EFHB: variants seen among roughly 807,000 people sequenced by gnomAD.
EFHB encodes EF-hand domain-containing family member B.
A neutral mutation model predicts 87.2 loss-of-function variants in EFHB; 91 were observed. The observed-to-expected ratio is 1.04, with a 90% confidence interval of 0.88 to 1.24. The LOEUF (loss-of-function observed/expected upper bound fraction) is 1.24. Ranked by LOEUF, EFHB falls within the 50% of genes most tolerant of loss-of-function variation. The pLI, the probability that EFHB is intolerant of heterozygous loss-of-function variation, is 0.00. For missense variants in EFHB, 1,084 were observed against 998.8 expected, an observed-to-expected ratio of 1.09 and a Z score of -1.15; for synonymous variants, 325 against 333.6, an observed-to-expected ratio of 0.97 and a Z score of 0.28.
chr3:19,941,855 C>CAA (rs74521089), intron 1 of EFHB, among the ~76,000 whole-genome samples: 8 of 95,008 alleles, frequency 8.4e-5, no homozygotes, highest in African/African-American at 2.8e-4. Flanking sequence ...GAGACTCCAT[C>CAA]AAAAAAAAAA....
At chr3:19,944,354 T>C (rs1441905848) in intron 1 of EFHB, among the ~76,000 whole-genome samples, 2 of 152,200 alleles carry the variant, frequency 1.3e-5, no homozygotes, top group African/African-American at 4.8e-5. Context: ...AGTATAAGCA[T>C]CAAAGACAGT....
intron 12 of EFHB, 146 bp from the exon 13 acceptor site, chr3:19,879,950 A>T: frequency 1.6e-6 from 1 of 632,286 alleles, no homozygotes; most frequent in South Asian, 2.8e-5. Context: ...GTGTGTGTGC[A>T]TGTGCTTGTA....
At chr3:19,919,688 T>C in intron 3 of EFHB, 145 bp downstream of exon 3, 5 of 829,702 alleles carry the variant, frequency 6.0e-6, no homozygotes, top group Non-Finnish European at 9.2e-6. Flanking sequence ...TCAAGATAAA[T>C]GCTTTTGGAA....
At chr3:19,905,187 G>A (rs765978320) in intron 6 of EFHB, among the ~76,000 whole-genome samples, 8 of 152,130 alleles carry the variant, frequency 5.3e-5, no homozygotes, top group Non-Finnish European at 1.2e-4. Context: ...AGGAGTTCAA[G>A]GTTGCAGTGA....
intron 5 of EFHB, among the ~76,000 whole-genome samples, chr3:19,906,823 T>C (rs1694858361): frequency 6.6e-6 from 1 of 152,068 alleles, no homozygotes; most frequent in South Asian, 2.1e-4. Flanking sequence ...ATTACAGAGC[T>C]GTAGTAATTA....
chr3:19,933,736 A>C lies in EFHB; in HGVS notation c.283T>G (p.Ser95Ala). 6.2e-7 allele frequency: 1 copy of C among 1,613,968 alleles called. No individual in the cohort carries two copies. The highest frequency in any genetic ancestry group is 8.5e-7 in the Non-Finnish European group (1 of 1,179,872). ...GAAGGTTTTGTTCCCTGTGAAGCTG[A>C]GACACTGTCGACTCCTAAACTACCC... ...QRGSLGVDSV[S>A]ASQGTKPSLL... Residue 95 changes from serine to alanine, a missense_variant, in exon 1 of 13, where the codon TCA (serine) becomes GCA (alanine). Coordinates refer to ENST00000295824, the MANE Select transcript of EFHB (RefSeq NM_144715.4).
At chr3:19,898,294 G>T (rs1449166850) in intron 8 of EFHB, among the ~76,000 whole-genome samples, 1 of 152,124 alleles carries the variant, frequency 6.6e-6, no homozygotes, top group Non-Finnish European at 1.5e-5. Flanking sequence ...TCTCATATTT[G>T]AATGTGCTTA....
chr3:19,885,336 C>A (rs1694063680), intron 10 of EFHB, among the ~76,000 whole-genome samples: 1 of 152,052 alleles, frequency 6.6e-6, no homozygotes, highest in Non-Finnish European at 1.5e-5. Context: ...AATTCCACAT[C>A]TACTTGACTG....
chr3:19,907,560 C>T (rs888133401), intron 5 of EFHB, among the ~76,000 whole-genome samples: 8 of 152,078 alleles, frequency 5.3e-5, no homozygotes, highest in Middle Eastern at 3.2e-3. Flanking sequence ...AGATTTGGTG[C>T]GATCATCAGA....
chr3:19,939,367 CTCCTTTTTT>C (rs1696096346), intron 1 of EFHB, among the ~76,000 whole-genome samples: 1 of 102,486 alleles, frequency 9.8e-6, no homozygotes, highest in African/African-American at 3.9e-5. Flanking sequence ...TGGGTTGGGT[CTCCTTTTTT>C]TTTTTTTTTT....
At chr3:19,889,128 T>A (rs1574995588) in intron 9 of EFHB, among the ~76,000 whole-genome samples, 1 of 152,138 alleles carries the variant, frequency 6.6e-6, no homozygotes, top group East Asian at 1.9e-4. Flanking sequence ...TCCTGGTAAG[T>A]AGGGGGAGGA....
intron 9 of EFHB, among the ~76,000 whole-genome samples, chr3:19,889,640 A>T (rs918444785): frequency 6.6e-6 from 1 of 152,154 alleles, no homozygotes; most frequent in African/African-American, 2.4e-5. Flanking sequence ...AAACTTCCCT[A>T]CTTAACCCTT....
chr3:19,944,502 C>T (rs983332834), intron 1 of EFHB, among the ~76,000 whole-genome samples: 11 of 152,276 alleles, frequency 7.2e-5, no homozygotes, highest in Admixed American at 6.5e-4. Context: ...AAAAAGAAAA[C>T]ATAGGCATAT....
intron 1 of EFHB, among the ~76,000 whole-genome samples, chr3:19,943,908 TATC>T (rs2125173047): frequency 6.6e-6 from 1 of 152,334 alleles, no homozygotes; most frequent in African/African-American, 2.4e-5. Context: ...CAATGCATAA[TATC>T]ATATCAAACA....
intron 1 of EFHB, chr3:19,942,526 T>C (rs942833115): frequency 6.6e-6 from 1 of 152,338 alleles, no homozygotes; most frequent in African/African-American, 2.4e-5. Context: ...CGGGGGAAGA[T>C]AGTTTTAGGA....
chr3:19,894,106 C>T (rs1384630989), intron 9 of EFHB, among the ~76,000 whole-genome samples: 1 of 152,156 alleles, frequency 6.6e-6, no homozygotes, highest in Non-Finnish European at 1.5e-5. Context: ...GAGCAAAAAT[C>T]CCTGATTGCA....
At position 19,915,315 on chromosome 3, in the gene EFHB, C is replaced by T; in HGVS notation, c.1276G>A (p.Asp426Asn). 2 of 1,610,708 alleles carry T rather than the reference C, an allele frequency of 1.2e-6. No individual in the cohort carries two copies. Among genetic ancestry groups the T allele is most frequent in the Non-Finnish European group, 1.7e-6 (2 of 1,177,566 alleles). Residue 426 changes from aspartate (D) to asparagine (N), a missense_variant, in exon 5 of 13, where the codon GAT (aspartate) becomes AAT (asparagine). Asp to Asn is a conservative substitution (Grantham distance 23). Transcript: ENST00000295824. ...GGAGGACACTTACCTGCATAATAAT[C>T]ATTGTGAGAAACAACATACAAATCA... Reference protein sequence around the residue: ...GHDLYVVSHNDYYAGEAKNRK... With the variant: ...GHDLYVVSHNNYYAGEAKNRK...
At chr3:19,916,695 C>T (rs1217172213) in intron 4 of EFHB, among the ~76,000 whole-genome samples, 1 of 152,048 alleles carries the variant, frequency 6.6e-6, no homozygotes, top group Non-Finnish European at 1.5e-5. Context: ...GTTTTGTGTA[C>T]AGTGAATAAT....
chr3:19,923,977 A>G (rs749263875), intron 1 of EFHB, among the ~76,000 whole-genome samples: 3 of 152,194 alleles, frequency 2.0e-5, no homozygotes, highest in Non-Finnish European at 4.4e-5. Flanking sequence ...CATGCCTATC[A>G]TCCCAGCACT....
Sources: gnomAD v4.1 joint callset for allele counts (sites outside exome capture counted in the v4.1 genomes callset) on GRCh38, gnomAD v4.1.1 for gene constraint, MANE v1.5 for transcripts, NCBI Gene and HGNC (gene_info 2026-07-23, HGNC 2026-07-21) for gene names.